Variants in EPYC observed in about 807,000 individuals in gnomAD.
The protein encoded by EPYC is epiphycan.
In EPYC, 28 loss-of-function variants were observed where a neutral mutation model predicts 30.1. The ratio of observed to expected loss-of-function variants is 0.93; its 90% confidence interval spans 0.69 to 1.28. EPYC has a LOEUF of 1.28. Among genes scored for constraint, EPYC ranks in the 50% most tolerant of loss-of-function variants. The pLI is 0.00. For synonymous variants in EPYC, 144 were observed against 141.4 expected, an observed-to-expected ratio of 1.02 and a Z score of -0.13; for missense variants, 382 against 383.5, an observed-to-expected ratio of 1.00 and a Z score of 0.03.
chr12:90,968,414 C>G (rs1163917762), intron 6 of EPYC, among the ~76,000 whole-genome samples: 4 of 152,106 alleles, frequency 2.6e-5, no homozygotes, highest in African/African-American at 9.7e-5. Flanking sequence ...AATTTCAGCC[C>G]AAGGCATATG....
At chr12:90,964,366 A>G in intron 6 of EPYC, 40 bp from the exon 7 acceptor site, 1 of 1,455,436 alleles carries the variant, frequency 6.9e-7, no homozygotes, top group African/African-American at 1.4e-5. Flanking sequence ...GATATAACAC[A>G]TTCTTAGTAT....
intron 2 of EPYC, among the ~76,000 whole-genome samples, chr12:90,980,130 G>A (rs1877291317): frequency 6.6e-6 from 1 of 152,178 alleles, no homozygotes; most frequent in South Asian, 2.1e-4. Flanking sequence ...TCCAGGAAGA[G>A]CGGAAATTGA....
chr12:90,987,631 C>T (rs2120846263), intron 2 of EPYC, among the ~76,000 whole-genome samples: 1 of 152,234 alleles, frequency 6.6e-6, no homozygotes, highest in Non-Finnish European at 1.5e-5. Flanking sequence ...TGTGCTTCAA[C>T]TTTTTTAGAT....
intron 3 of EPYC, among the ~76,000 whole-genome samples, chr12:90,976,217 T>A (rs955814638): frequency 6.6e-6 from 1 of 152,080 alleles, no homozygotes; most frequent in Non-Finnish European, 1.5e-5. Flanking sequence ...AAATTTCAGT[T>A]ATACAGGATG....
chr12:90,989,158 C>T (rs1263677898), intron 2 of EPYC, among the ~76,000 whole-genome samples: 3 of 151,830 alleles, frequency 2.0e-5, no homozygotes, highest in African/African-American at 4.8e-5. Flanking sequence ...TAAGGGATGA[C>T]TAATTATAGG....
At chr12:90,970,214 A>T (rs938447782) in intron 5 of EPYC, 75 bp from the exon 6 acceptor site, 7 of 1,050,580 alleles carry the variant, frequency 6.7e-6, no homozygotes, top group Non-Finnish European at 7.3e-6. Flanking sequence ...ACACAGCTGT[A>T]TTTCCCATTC....
At chr12:90,996,128 A>T (rs904508068) in intron 2 of EPYC, among the ~76,000 whole-genome samples, 30 of 152,024 alleles carry the variant, frequency 2.0e-4, no homozygotes, top group African/African-American at 6.7e-4. Flanking sequence ...TATAAATATT[A>T]CTAATATAAG....
At chr12:91,004,254 T>C (rs1487073607) in intron 1 of EPYC, among the ~76,000 whole-genome samples, 1 of 152,112 alleles carries the variant, frequency 6.6e-6, no homozygotes, top group Non-Finnish European at 1.5e-5. Flanking sequence ...TCATACTATA[T>C]TTGATTACAT....
At chr12:90,966,228 G>T (rs1005170985) in intron 6 of EPYC, among the ~76,000 whole-genome samples, 1 of 152,004 alleles carries the variant, frequency 6.6e-6, no homozygotes, top group Admixed American at 6.6e-5. Flanking sequence ...TTCTTAGAAA[G>T]AAAGTGTTCA....
intron 2 of EPYC, among the ~76,000 whole-genome samples, chr12:90,987,602 GAAAGGAAACT>G (rs1273996255): frequency 1.3e-5 from 2 of 152,162 alleles, no homozygotes; most frequent in Non-Finnish European, 1.5e-5. Context: ...AACATATTAT[GAAAGGAAACT>G]AAAGAAGATG....
In EPYC at chr12:90,971,150, G is replaced by T. The variant is rs552461530; in HGVS notation, c.702+650C>A. On this transcript the variant is annotated intron_variant, in intron 5 of 6. Coordinates refer to ENST00000261172, the MANE Select transcript of EPYC (RefSeq NM_004950.5). ...GCCAGATAGTCTTTCTGAGTGTAGGGTCTGATCAATACAGATTCTCTGGCT... is the reference window on the plus strand; with the variant it reads ...GCCAGATAGTCTTTCTGAGTGTAGGTTCTGATCAATACAGATTCTCTGGCT... Among the ~76,000 whole-genome samples, 12 of 152,260 alleles carry T rather than the reference G, an allele frequency of 7.9e-5. No homozygotes were observed. The South Asian group carries it at 2.3e-3, about 29-fold the overall frequency.
intron 2 of EPYC, among the ~76,000 whole-genome samples, chr12:90,993,858 T>G (rs1354860381): frequency 1.3e-5 from 2 of 152,092 alleles, no homozygotes; most frequent in African/African-American, 4.8e-5. Context: ...TAAGTAACCT[T>G]AAATACTGTT....
At chr12:90,984,883 C>T (rs530468146) in intron 2 of EPYC, among the ~76,000 whole-genome samples, 2 of 152,118 alleles carry the variant, frequency 1.3e-5, no homozygotes, top group Admixed American at 6.5e-5. Context: ...TACATGTTCC[C>T]CTCTCCCTCT....
Position 90,997,997 on chromosome 12 carries a change from A to T in EPYC, c.165+4404T>A, listed in dbSNP as rs887781162. Among the ~76,000 whole-genome samples the T allele has an allele frequency of 2.6e-5, 4 of 152,206 alleles. No homozygotes were observed. In the East Asian group the frequency reaches 7.7e-4, roughly 29 times the overall value. ...TTGGAAATTATTTTGTGATATGAGA[A>T]GACAGCATCACTATTATGATATATA... On this transcript the variant is annotated intron_variant, in intron 2 of 6. Coordinates refer to ENST00000261172, the MANE Select transcript of EPYC (RefSeq NM_004950.5).
At chr12:90,972,716 C>A in intron 4 of EPYC, 106 bp downstream of exon 4, 1 of 991,410 alleles carries the variant, frequency 1.0e-6, no homozygotes, top group South Asian at 2.4e-5. Context: ...GATTCATGAA[C>A]CAGGCTTTGG....
At chr12:90,980,666 G>C (rs1374669495) in intron 2 of EPYC, among the ~76,000 whole-genome samples, 1 of 152,078 alleles carries the variant, frequency 6.6e-6, no homozygotes, top group African/African-American at 2.4e-5. Context: ...AACTAAATTT[G>C]AACGTAAACA....
intron 2 of EPYC, among the ~76,000 whole-genome samples, chr12:90,993,349 T>C (rs2120857399): frequency 6.6e-6 from 1 of 152,266 alleles, no homozygotes; most frequent in South Asian, 2.1e-4. Flanking sequence ...CTTACTTGCT[T>C]CACACTGAAG....
At chr12:90,989,258 T>C (rs1162560383) in intron 2 of EPYC, among the ~76,000 whole-genome samples, 1 of 152,102 alleles carries the variant, frequency 6.6e-6, no homozygotes, top group Non-Finnish European at 1.5e-5. Flanking sequence ...TATAAACAAC[T>C]GTTCTTAGAT....
At chr12:90,996,441 A>G (rs1398170643) in intron 2 of EPYC, among the ~76,000 whole-genome samples, 1 of 151,844 alleles carries the variant, frequency 6.6e-6, no homozygotes, top group Non-Finnish European at 1.5e-5. Flanking sequence ...ATAGGAGTAT[A>G]TTGCTTGGTG....
Sources: gnomAD v4.1 joint callset for allele counts (sites outside exome capture counted in the v4.1 genomes callset) on GRCh38, gnomAD v4.1.1 for gene constraint, MANE v1.5 for transcripts, NCBI Gene and HGNC (gene_info 2026-07-23, HGNC 2026-07-21) for gene names.